PTPN14: variants seen among roughly 807,000 people sequenced by gnomAD.
PTPN14 encodes the protein tyrosine-protein phosphatase non-receptor type 14.
A neutral mutation model predicts 126.8 loss-of-function variants in PTPN14; 53 were observed. The ratio of observed to expected loss-of-function variants is 0.42; its 90% CI spans 0.34 to 0.53. The LOEUF is 0.53. PTPN14 is among the 20% of genes least tolerant of loss of function. PTPN14 has a pLI of 0.08. For synonymous variants in PTPN14, 630 were observed against 599.3 expected, an observed-to-expected ratio of 1.05 and a Z score of -0.75; for missense variants, 1,257 against 1,552.9, an observed-to-expected ratio of 0.81 and a Z score of 3.20.
intron 1 of PTPN14, among the ~76,000 whole-genome samples, chr1:214,518,255 A>G (rs1212057298): frequency 6.6e-6 from 1 of 152,184 alleles, no homozygotes; most frequent in African/African-American, 2.4e-5. Flanking sequence ...TTTCTACCCA[A>G]CTAAAATATG....
At chr1:214,526,603 G>A (rs886486392) in intron 1 of PTPN14, among the ~76,000 whole-genome samples, 2 of 152,058 alleles carry the variant, frequency 1.3e-5, no homozygotes, top group African/African-American at 4.8e-5. Flanking sequence ...CACAACCACA[G>A]CAATGAAAGG....
intron 1 of PTPN14, among the ~76,000 whole-genome samples, chr1:214,470,927 A>T (rs1660740724): frequency 6.6e-6 from 1 of 151,364 alleles, no homozygotes; most frequent in Admixed American, 6.6e-5. Context: ...CGGGAGGCTG[A>T]CACAGGAGAA....
intron 1 of PTPN14, among the ~76,000 whole-genome samples, chr1:214,498,400 TG>T (rs1654600285): frequency 6.6e-6 from 1 of 152,206 alleles, no homozygotes; most frequent in Non-Finnish European, 1.5e-5. Flanking sequence ...AAGACTCAGT[TG>T]GATCTTAAAT....
intron 1 of PTPN14, among the ~76,000 whole-genome samples, chr1:214,500,221 G>T (rs1353354261): frequency 6.6e-6 from 1 of 151,964 alleles, no homozygotes; most frequent in Non-Finnish European, 1.5e-5. Flanking sequence ...CCATATTCTT[G>T]TATTTGTGGC....
intron 1 of PTPN14, chr1:214,533,513 TA>T: frequency 8.3e-6 from 3 of 359,856 alleles, no homozygotes; most frequent in Non-Finnish European, 9.0e-6. Flanking sequence ...AGGAGGCCAA[TA>T]AAAAGTTCAG....
rs2936013 is a variant in PTPN14 at position 214,378,283 on chromosome 1, C to T, written c.2545-181G>A. 0.12 allele frequency among the ~76,000 whole-genome samples: 17,732 copies of T among 152,238 alleles called. 1,216 individuals are homozygous for T. The highest frequency in any genetic ancestry group is 0.18 in the South Asian group (869 of 4,816). ...CTGGGCCCCTGGAAGCCAGTTCCTA[C>T]AGGACTCCTGAGCTTTTATTCTTAA... is the stretch of plus-strand genomic sequence containing the variant. On this transcript the variant is annotated intron_variant, in intron 13 of 18. Coordinates refer to ENST00000366956, the MANE Select transcript of PTPN14 (RefSeq NM_005401.5).
intron 1 of PTPN14, among the ~76,000 whole-genome samples, chr1:214,502,227 G>A (rs1320875420): frequency 2.0e-5 from 3 of 152,052 alleles, no homozygotes; most frequent in African/African-American, 4.8e-5. Flanking sequence ...GGGGGGAAGA[G>A]GGCTGGACCC....
rs1658048075 is a variant in PTPN14, at chr1:214,364,990, T to C, written c.3272-315A>G. On this transcript the variant is annotated intron_variant, in intron 17 of 18. Transcript: ENST00000366956. The surrounding 1 kb of genome is among the most constrained non-coding windows in gnomAD (Gnocchi z 4.1). ...GTTTTCCCCTCTGCAAATCCCTAAG[T>C]CCCTCAAGCAGATGATTCTAGACAT... 6.6e-6 allele frequency among the ~76,000 whole-genome samples: 1 copy of C among 151,966 alleles called. No homozygotes were observed. The highest frequency in any genetic ancestry group is 2.4e-5 in the African/African-American group (1 of 41,350).
intron 16 of PTPN14, among the ~76,000 whole-genome samples, chr1:214,371,128 C>CT (rs1206784100): frequency 5.9e-5 from 9 of 152,182 alleles, no homozygotes; most frequent in Admixed American, 5.9e-4. Context: ...CTAGATGCTA[C>CT]TTTGTCTTGG....
At chr1:214,360,535 G>T (rs1657932016) in intron 18 of PTPN14, among the ~76,000 whole-genome samples, 1 of 152,124 alleles carries the variant, frequency 6.6e-6, no homozygotes, top group African/African-American at 2.4e-5. Context: ...ACCTAATAAT[G>T]AACTTAATTT....
intron 7 of PTPN14, 150 bp downstream of exon 7, chr1:214,401,535 T>C (rs1361173961): frequency 1.5e-6 from 1 of 660,546 alleles, no homozygotes; most frequent in African/African-American, 1.8e-5. Context: ...AAAAAGCATT[T>C]GTTTATCTAT....
chr1:214,550,989 C>T (rs1656094769), intron 1 of PTPN14, among the ~76,000 whole-genome samples, 194 bp downstream of exon 1: 2 of 152,156 alleles, frequency 1.3e-5, no homozygotes, highest in South Asian at 2.1e-4. Flanking sequence ...TGCGCCTCAC[C>T]GCGGGCAGCT....
chr1:214,360,002 C>T (rs924314583), intron 18 of PTPN14, among the ~76,000 whole-genome samples: 3 of 152,186 alleles, frequency 2.0e-5, no homozygotes, highest in African/African-American at 7.2e-5. Context: ...CATGTCCATC[C>T]TCCTGGACTA....
chr1:214,419,849 G>C (rs954582433), intron 3 of PTPN14, among the ~76,000 whole-genome samples: 1 of 152,132 alleles, frequency 6.6e-6, no homozygotes, highest in Non-Finnish European at 1.5e-5. Context: ...TCCAGATAAA[G>C]GACAGGGTGG....
In PTPN14 at chr1:214,436,030, T is replaced by C. The variant is rs563704009; in HGVS notation, c.344+15775A>G. Among the ~76,000 whole-genome samples, 17 of 152,294 alleles carry C rather than the reference T, an allele frequency of 1.1e-4. No homozygotes were observed. The South Asian group carries it at 1.5e-3, about 13-fold the overall frequency. On this transcript the variant is annotated intron_variant, in intron 3 of 18. Coordinates refer to ENST00000366956, the MANE Select transcript of PTPN14 (RefSeq NM_005401.5). ...GGTGGTAGACTGGATAAAGAAAATA[T>C]GTTACATATACACCATGGAATACTA... is the stretch of plus-strand genomic sequence containing the variant.
chr1:214,449,676 T>C (rs1016617735), intron 3 of PTPN14, among the ~76,000 whole-genome samples: 10 of 152,186 alleles, frequency 6.6e-5, no homozygotes, highest in Non-Finnish European at 1.5e-5. Flanking sequence ...AACTTGGATA[T>C]GTGAATCAAC....
At chr1:214,439,650 T>C (rs553679423) in intron 3 of PTPN14, among the ~76,000 whole-genome samples, 1 of 152,354 alleles carries the variant, frequency 6.6e-6, no homozygotes, top group South Asian at 2.1e-4. Flanking sequence ...CATGTCCCGC[T>C]ATGATTACGC....
chr1:214,379,361 T>A (rs1658420555), intron 13 of PTPN14, among the ~76,000 whole-genome samples: 1 of 152,160 alleles, frequency 6.6e-6, no homozygotes. Flanking sequence ...TTATTCTAAT[T>A]GCGGGTGGGA....
chr1:214,457,607 T>C lies in PTPN14; in HGVS notation c.175-5633A>G, dbSNP rs569115803. Among the ~76,000 whole-genome samples, 4 of 152,308 alleles carry C rather than the reference T, an allele frequency of 2.6e-5. No homozygotes were observed. The South Asian group carries it at 8.3e-4, about 32-fold the overall frequency. On this transcript the variant is annotated intron_variant, in intron 2 of 18. Coordinates refer to ENST00000366956, the MANE Select transcript of PTPN14 (RefSeq NM_005401.5). ...CACTATTACCATTAAATGCCCCCTT[T>C]GCGTTTCTTAGAATAGCACTGTTCA...
Sources: gnomAD v4.1 joint callset for allele counts (sites outside exome capture counted in the v4.1 genomes callset) on GRCh38, gnomAD v4.1.1 for gene constraint, Gnocchi (gnomAD v3.1) non-coding constraint, MANE v1.5 for transcripts, NCBI Gene and HGNC (gene_info 2026-07-23, HGNC 2026-07-21) for gene names.